Variants in TATDN1 observed in about 807,000 individuals in gnomAD.
The protein encoded by TATDN1 is deoxyribonuclease TATDN1.
TATDN1 carries 40 observed loss-of-function variants against 46.4 expected under a neutral mutation model. That is an observed-to-expected ratio of 0.86 (90% CI 0.67 to 1.12). The LOEUF (loss-of-function observed/expected upper bound fraction) is 1.12, where lower values mean the gene tolerates loss of function less well. Ranked by LOEUF, TATDN1 falls within the 50% of genes most tolerant of loss-of-function variation. The pLI, the probability that TATDN1 is intolerant of heterozygous loss-of-function variation, is 0.00. For missense variants in TATDN1, 326 were observed against 348.4 expected, an observed-to-expected ratio of 0.94 and a Z score of 0.51; for synonymous variants, 95 against 105.6, an observed-to-expected ratio of 0.90 and a Z score of 0.62.
intron 3 of TATDN1, among the ~76,000 whole-genome samples, chr8:124,521,430 G>A (rs1380617436): frequency 1.3e-5 from 2 of 152,166 alleles, no homozygotes; most frequent in Non-Finnish European, 2.9e-5. Flanking sequence ...TTACCAAGCA[G>A]AGTGACTATA....
At chr8:124,490,515 A>C (rs927314206) in intron 11 of TATDN1, among the ~76,000 whole-genome samples, 1 of 152,092 alleles carries the variant, frequency 6.6e-6, no homozygotes, top group African/African-American at 2.4e-5. Flanking sequence ...CTCTCCAAAA[A>C]AAAGAAAAAA....
At chr8:124,535,583 G>C (rs1051617582) in intron 1 of TATDN1, among the ~76,000 whole-genome samples, 3 of 152,178 alleles carry the variant, frequency 2.0e-5, no homozygotes, top group African/African-American at 7.2e-5. Context: ...GAAAAAAGCA[G>C]AGCACAAAAG....
chr8:124,510,985 T>G (rs1818953215), intron 6 of TATDN1, among the ~76,000 whole-genome samples: 1 of 152,168 alleles, frequency 6.6e-6, no homozygotes, highest in African/African-American at 2.4e-5. Flanking sequence ...TGAGGATAAC[T>G]AGTACTGAAC....
intron 1 of TATDN1, chr8:124,523,575 A>G (rs1020772389): frequency 6.6e-6 from 1 of 152,296 alleles, no homozygotes; most frequent in African/African-American, 2.4e-5. Context: ...ATTAGAAAAT[A>G]AAAATAACAA....
At position 124,513,710 on chromosome 8, in the gene TATDN1, T is replaced by C. The variant is rs142294656; in HGVS notation, c.389+2036A>G. ...TATTGAGGTTGCATTTTAGAATCAG[T>C]TCTAACTCATTTTGGATGAAAAGTC... On this transcript the variant is annotated intron_variant, in intron 6 of 11. Transcript: ENST00000276692. 2.8e-3 allele frequency among the ~76,000 whole-genome samples: 420 copies of C among 152,296 alleles called. 4 individuals are homozygous for C. Among genetic ancestry groups the C allele is most frequent in the African/African-American group, 9.6e-3 (401 of 41,564 alleles).
rs1234188328 is a variant in TATDN1, at chr8:124,504,934, T to A, written c.517-587A>T. Reference sequence around the variant, plus strand: ...GCTAATTTTGTATTTTTTTTTTTTTTAGTAGAGATGGGGTTTCTCCATGTT... The same window carrying A: ...GCTAATTTTGTATTTTTTTTTTTTTAAGTAGAGATGGGGTTTCTCCATGTT... On this transcript the variant is annotated intron_variant, in intron 8 of 11. Transcript: ENST00000276692. Among the ~76,000 whole-genome samples, 5 of 150,146 alleles carry A rather than the reference T, an allele frequency of 3.3e-5. No homozygotes were observed. The East Asian group carries it at 1.0e-3, about 30-fold the overall frequency.
chr8:124,527,722 C>T (rs1401053791), intron 1 of TATDN1, among the ~76,000 whole-genome samples: 2 of 151,968 alleles, frequency 1.3e-5, no homozygotes, highest in African/African-American at 2.4e-5. Flanking sequence ...ATTTTAGCCA[C>T]GATCTGCTGC....
intron 1 of TATDN1, among the ~76,000 whole-genome samples, chr8:124,530,004 T>G (rs1586675188): frequency 6.6e-6 from 1 of 152,152 alleles, no homozygotes; most frequent in East Asian, 1.9e-4. Flanking sequence ...GGCAGGAGAA[T>G]CGCTTGAACC....
chr8:124,497,552 G>C (rs1817583840), intron 9 of TATDN1, among the ~76,000 whole-genome samples: 1 of 152,168 alleles, frequency 6.6e-6, no homozygotes, highest in Non-Finnish European at 1.5e-5. Flanking sequence ...CTCCCAAAGT[G>C]CTGGGATTAC....
rs1819305612 is a variant in TATDN1, at chr8:124,514,658, T to C, written c.389+1088A>G. 2.0e-5 allele frequency among the ~76,000 whole-genome samples: 3 copies of C among 152,346 alleles called. 1 individual carries two copies. The South Asian group carries it at 6.2e-4, about 32-fold the overall frequency. ...TATCATTTTCATAATTAAGATGTTT[T>C]TGAAATTCAACAAAATGCTTACGTT... On this transcript the variant is annotated intron_variant, in intron 6 of 11. Coordinates refer to ENST00000276692, the MANE Select transcript of TATDN1 (RefSeq NM_032026.4).
intron 2 of TATDN1, 118 bp from the exon 3 acceptor site, chr8:124,522,318 G>T: frequency 1.4e-6 from 1 of 696,990 alleles, no homozygotes. Flanking sequence ...AACTTCTACA[G>T]GTAAGAAGAC....
chr8:124,492,462 T>G (rs1048993788), intron 11 of TATDN1, among the ~76,000 whole-genome samples: 1 of 152,162 alleles, frequency 6.6e-6, no homozygotes, highest in East Asian at 1.9e-4. Flanking sequence ...TTCTTTTCTC[T>G]AGTGTCCTTT....
chr8:124,509,663 T>C (rs1307852832), intron 6 of TATDN1, among the ~76,000 whole-genome samples: 2 of 152,344 alleles, frequency 1.3e-5, no homozygotes, highest in South Asian at 4.1e-4. Context: ...TCATATTTCC[T>C]GATGTGCAGG....
chr8:124,491,146 C>T (rs533062924), intron 11 of TATDN1: 2 of 152,062 alleles, frequency 1.3e-5, no homozygotes, highest in Non-Finnish European at 2.9e-5. Flanking sequence ...CTTTCCAGCC[C>T]TTCCCCATAC....
At chr8:124,533,241 G>C (rs189316199) in intron 1 of TATDN1, among the ~76,000 whole-genome samples, 2 of 149,352 alleles carry the variant, frequency 1.3e-5, no homozygotes, top group African/African-American at 4.9e-5. Flanking sequence ...GACAGAGTGA[G>C]ACTCTGTCTC....
At chr8:124,524,339 T>C (rs1049809172) in intron 1 of TATDN1, among the ~76,000 whole-genome samples, 7 of 152,168 alleles carry the variant, frequency 4.6e-5, no homozygotes, top group Non-Finnish European at 8.8e-5. Context: ...AAAGGGCTAT[T>C]AACATATAAA....
chr8:124,496,080 T>C (rs1290008127), intron 9 of TATDN1, among the ~76,000 whole-genome samples: 4 of 152,232 alleles, frequency 2.6e-5, no homozygotes, highest in African/African-American at 7.2e-5. Flanking sequence ...GATCCATGAA[T>C]GCAAACATAA....
chr8:124,488,967 A>G, intron 11 of TATDN1: 1 of 372,886 alleles, frequency 2.7e-6, no homozygotes, highest in East Asian at 6.5e-5. Flanking sequence ...CACCAATTAT[A>G]GCATTAACTG....
chr8:124,523,170 A>G (rs1820203731), intron 1 of TATDN1, 168 bp from the exon 2 acceptor site: 1 of 604,182 alleles, frequency 1.7e-6, no homozygotes, highest in Admixed American at 3.0e-5. Context: ...GGATACAAAG[A>G]TGAATAGGAT....
Sources: gnomAD v4.1 joint callset for allele counts (sites outside exome capture counted in the v4.1 genomes callset) on GRCh38, gnomAD v4.1.1 for gene constraint, MANE v1.5 for transcripts, NCBI Gene and HGNC (gene_info 2026-07-23, HGNC 2026-07-21) for gene names.